AEBP2: variants seen among roughly 807,000 people sequenced by gnomAD.
AEBP2 encodes AE binding protein 2, also known as zinc finger protein AEBP2.
Under a neutral mutation model 50.8 loss-of-function variants are expected in AEBP2, and 10 were observed. That is an observed-to-expected ratio of 0.20 (90% CI 0.12 to 0.33). AEBP2 has a LOEUF of 0.33. Ranked by LOEUF, AEBP2 falls within the 10% of genes least tolerant of loss-of-function variation. The pLI, the probability that AEBP2 is intolerant of heterozygous loss-of-function variation, is 1.00. For missense variants in AEBP2, 570 were observed against 688.0 expected, an observed-to-expected ratio of 0.83 and a Z score of 1.92; for synonymous variants, 296 against 261.3, an observed-to-expected ratio of 1.13 and a Z score of -1.28.
intron 2 of AEBP2, among the ~76,000 whole-genome samples, chr12:19,469,642 T>C (rs1481591001): frequency 1.3e-5 from 2 of 152,162 alleles, no homozygotes; most frequent in African/African-American, 4.8e-5. Context: ...AGAGTTGGGA[T>C]CTTGCTTTGT....
intron 1 of AEBP2, chr12:19,440,706 T>G (rs1947940469): frequency 1.3e-6 from 2 of 1,533,522 alleles, no homozygotes; most frequent in South Asian, 1.2e-5. Flanking sequence ...AGGGCCTTGA[T>G]GTACACACGT....
intron 3 of AEBP2, among the ~76,000 whole-genome samples, chr12:19,474,670 C>T (rs1948621281): frequency 6.6e-6 from 1 of 152,156 alleles, no homozygotes; most frequent in African/African-American, 2.4e-5. Context: ...AATTTTAGAG[C>T]AGCTTTAAAT....
intron 2 of AEBP2, among the ~76,000 whole-genome samples, chr12:19,471,214 G>A (rs1401738482): frequency 6.6e-6 from 1 of 152,100 alleles, no homozygotes. Flanking sequence ...GCCCTCTCCA[G>A]TGCAAGCAAT....
intron 1 of AEBP2, among the ~76,000 whole-genome samples, chr12:19,411,363 A>G (rs544327627): frequency 1.3e-5 from 2 of 152,162 alleles, no homozygotes; most frequent in South Asian, 4.1e-4. Context: ...CAGCCTGGGA[A>G]CCTCCTCTAC....
At position 19,518,218 on chromosome 12, in the gene AEBP2, C is replaced by CTT. The variant is rs34795094; in HGVS notation, c.*120_*121dup. 10,274 of 1,124,728 alleles carry CTT rather than the reference C, an allele frequency of 9.1e-3. No individual in the cohort carries two copies. The highest frequency in any genetic ancestry group is 0.016 in the East Asian group (395 of 24,298). 69.7% of individuals were successfully genotyped at this position (1,124,728 alleles called of 1,614,324 possible). ...AGTTGCACATTAGAGTCAACCCCTT[C>CTT]TTTTTTTTTTTTTTTTTTTTAAATC... is the stretch of plus-strand genomic sequence containing the variant. On this transcript the variant is annotated 3_prime_UTR_variant, in exon 8 of 8. Coordinates refer to ENST00000266508, the MANE Select transcript of AEBP2 (RefSeq NM_153207.5).
chr12:19,425,514 C>T (rs1205259406), intron 1 of AEBP2, among the ~76,000 whole-genome samples: 1 of 151,964 alleles, frequency 6.6e-6, no homozygotes, highest in Non-Finnish European at 1.5e-5. Flanking sequence ...TGCTGTAATC[C>T]CAGCACTTTG....
At chr12:19,517,373 C>T (rs987770459) in intron 7 of AEBP2, among the ~76,000 whole-genome samples, 2 of 152,158 alleles carry the variant, frequency 1.3e-5, no homozygotes, top group African/African-American at 4.8e-5. Context: ...TCCACAACTT[C>T]CACATCCATG....
intron 3 of AEBP2, among the ~76,000 whole-genome samples, chr12:19,489,019 C>CCT (rs1948857684): frequency 6.6e-6 from 1 of 152,090 alleles, no homozygotes; most frequent in South Asian, 2.1e-4. Flanking sequence ...AAACTCCTGA[C>CCT]CTCAGGTGAT....
chr12:19,419,156 A>C (rs2095744226), intron 1 of AEBP2: 1 of 154,880 alleles, frequency 6.5e-6, no homozygotes, highest in South Asian at 2.0e-4. Flanking sequence ...TCCCATACCC[A>C]GCCATCATGC....
chr12:19,505,377 G>T (rs1197018776), intron 5 of AEBP2, among the ~76,000 whole-genome samples: 2 of 152,146 alleles, frequency 1.3e-5, no homozygotes, highest in African/African-American at 4.8e-5. Context: ...CTGTGAGCCA[G>T]GTACTAATGT....
intron 6 of AEBP2, among the ~76,000 whole-genome samples, chr12:19,512,805 G>T (rs138224560): frequency 6.6e-6 from 1 of 151,900 alleles, no homozygotes; most frequent in South Asian, 2.1e-4. Flanking sequence ...AAAATTAGCC[G>T]GGTGTGGTGG....
chr12:19,481,092 C>CT (rs71067027), intron 3 of AEBP2, among the ~76,000 whole-genome samples: 4,308 of 73,952 alleles, frequency 0.058, 1,193 homozygotes, highest in East Asian at 0.13. Context: ...GCAGTGCATC[C>CT]TTTTTTTTTT....
At chr12:19,427,507 A>T (rs1360072779) in intron 1 of AEBP2, among the ~76,000 whole-genome samples, 3 of 152,062 alleles carry the variant, frequency 2.0e-5, no homozygotes, top group Non-Finnish European at 2.9e-5. Flanking sequence ...GACTCCATCC[A>T]ATTCTCAGCC....
intron 2 of AEBP2, among the ~76,000 whole-genome samples, chr12:19,465,193 G>T (rs1948450019): frequency 6.6e-6 from 1 of 151,746 alleles, no homozygotes; most frequent in African/African-American, 2.4e-5. Context: ...AGGAGTTTGA[G>T]ACCAGCCTGG....
intron 4 of AEBP2, among the ~76,000 whole-genome samples, chr12:19,497,509 G>T (rs2120486825): frequency 6.6e-6 from 1 of 151,648 alleles, no homozygotes; most frequent in South Asian, 2.1e-4. Flanking sequence ...GTCTCACTTT[G>T]TTGCCGAGGC....
chr12:19,462,232 TTTTC>T (rs1341897430), intron 1 of AEBP2, among the ~76,000 whole-genome samples: 1 of 152,102 alleles, frequency 6.6e-6, no homozygotes, highest in Non-Finnish European at 1.5e-5. Flanking sequence ...GTGTGGTTTG[TTTTC>T]TGTAAGATGT....
At chr12:19,451,701 T>TG (rs2083584901) in intron 1 of AEBP2, among the ~76,000 whole-genome samples, 3 of 134,018 alleles carry the variant, frequency 2.2e-5, no homozygotes, top group African/African-American at 5.3e-5. Context: ...TTTTTTTTTT[T>TG]TAAGAGACAA....
At chr12:19,455,687 C>G (rs771076055) in intron 1 of AEBP2, among the ~76,000 whole-genome samples, 3 of 152,138 alleles carry the variant, frequency 2.0e-5, no homozygotes, top group Non-Finnish European at 4.4e-5. Context: ...TAAAATCATA[C>G]AGTTGATCGC....
At chr12:19,458,286 A>G (rs1043509712) in intron 1 of AEBP2, among the ~76,000 whole-genome samples, 3 of 152,198 alleles carry the variant, frequency 2.0e-5, no homozygotes, top group Non-Finnish European at 4.4e-5. Context: ...TCTGGGGCCA[A>G]AAGGGAGCCT....
Sources: gnomAD v4.1 joint callset for allele counts (sites outside exome capture counted in the v4.1 genomes callset) on GRCh38, gnomAD v4.1.1 for gene constraint, MANE v1.5 for transcripts, NCBI Gene and HGNC (gene_info 2026-07-23, HGNC 2026-07-21) for gene names.